KIAA1958: variants seen among roughly 807,000 people sequenced by gnomAD.
The protein encoded by KIAA1958 is KIAA1958.
A neutral mutation model predicts 47.2 loss-of-function variants in KIAA1958; 14 were observed. The observed-to-expected ratio is 0.30, with a 90% CI of 0.20 to 0.46. The LOEUF (loss-of-function observed/expected upper bound fraction) is 0.46, where lower values mean the gene tolerates loss of function less well. KIAA1958 is among the 20% of genes least tolerant of loss of function. The pLI is 1.00. For synonymous variants in KIAA1958, 354 were observed against 353.3 expected, an observed-to-expected ratio of 1.00 and a Z score of -0.02; for missense variants, 803 against 909.2, an observed-to-expected ratio of 0.88 and a Z score of 1.50.
chr9:112,628,524 A>G (rs1836658085), intron 2 of KIAA1958, among the ~76,000 whole-genome samples: 1 of 152,204 alleles, frequency 6.6e-6, no homozygotes, highest in African/African-American at 2.4e-5. Context: ...TGGCCTCCAG[A>G]GTCACACAAA....
rs375756873 is a variant in KIAA1958 at position 112,574,918 on chromosome 9, A to G, written c.838A>G (p.Ile280Val). The change falls in exon 2 of 4, where the codon ATT becomes GTT. Residue 280 changes from isoleucine (I) to valine (V), a missense_variant. Ile to Val is a conservative substitution (Grantham distance 29). This residue lies in a region of KIAA1958 where 761 missense variants were observed against 829.3 expected (regional missense o/e 0.92). Coordinates refer to ENST00000337530, the MANE Select transcript of KIAA1958 (RefSeq NM_133465.4). ...ATCCCCCTCTGTGATCTCCAGACCA[A>G]TTGTCCAGAAGACTGCTAGGGTATC... ...SASPSVISRP[I>V]VQKTARVSLA... The G allele has an allele frequency of 1.7e-5, 27 of 1,613,898 alleles. No individual in the cohort carries two copies. The African/African-American group carries it at 3.1e-4, about 18-fold the overall frequency.
chr9:112,637,713 A>G (rs1000044836), intron 2 of KIAA1958, among the ~76,000 whole-genome samples: 4 of 152,136 alleles, frequency 2.6e-5, no homozygotes, highest in Non-Finnish European at 4.4e-5. Flanking sequence ...CTTAGTATAA[A>G]TTTTAGACTT....
At chr9:112,654,853 G>C (rs542011440) in intron 3 of KIAA1958, among the ~76,000 whole-genome samples, 4 of 152,262 alleles carry the variant, frequency 2.6e-5, no homozygotes, top group African/African-American at 9.6e-5. Flanking sequence ...ATCTCTTGGG[G>C]TTTCCTAGAC....
intron 1 of KIAA1958, among the ~76,000 whole-genome samples, chr9:112,561,056 A>ATTTT (rs201349723): frequency 1.4e-4 from 20 of 141,088 alleles, no homozygotes; most frequent in South Asian, 2.2e-4. Flanking sequence ...TGTCTTTGCA[A>ATTTT]TTTTTTTTTT....
chr9:112,552,106 C>T (rs149791711), intron 1 of KIAA1958, among the ~76,000 whole-genome samples: 159 of 152,248 alleles, frequency 1.0e-3, no homozygotes, highest in African/African-American at 3.6e-3. Flanking sequence ...GCTTTTGCCT[C>T]ATCATTATAG....
At position 112,574,745 on chromosome 9, in the gene KIAA1958, G is replaced by C; in HGVS notation, c.665G>C (p.Gly222Ala). The part of the protein sequence containing the change: ...YIVANAELTG[G>A]VDGPALSLTQ... Reference sequence around the variant, plus strand: ...GTGGCAAATGCAGAACTGACAGGAGGAGTAGATGGACCAGCCCTGTCCTTG... The same window carrying C: ...GTGGCAAATGCAGAACTGACAGGAGCAGTAGATGGACCAGCCCTGTCCTTG... Residue 222 changes from glycine to alanine, a missense_variant, in exon 2 of 4, where the codon GGA (glycine) becomes GCA (alanine). Gly to Ala is a moderately conservative substitution (Grantham distance 60). Transcript: ENST00000337530. 6.2e-7 allele frequency: 1 copy of C among 1,614,152 alleles called. No individual in the cohort carries two copies. Among genetic ancestry groups the C allele is most frequent in the Non-Finnish European group, 8.5e-7 (1 of 1,180,016 alleles).
intron 2 of KIAA1958, among the ~76,000 whole-genome samples, chr9:112,612,723 T>G (rs1056581160): frequency 5.3e-5 from 8 of 152,240 alleles, no homozygotes; most frequent in Non-Finnish European, 1.2e-4. Context: ...TCAACATATG[T>G]GCAGGGCGGT....
chr9:112,662,191 A>G lies in KIAA1958; in HGVS notation c.*2122A>G, dbSNP rs1226410520. On this transcript the variant is annotated 3_prime_UTR_variant, in exon 4 of 4. Transcript: ENST00000337530. Reference sequence around the variant, plus strand: ...TTGCCTGTCACCTAGTTGATGTTCCATAAAATCCCTGGGTTCTGAAGTGAA... The same window carrying G: ...TTGCCTGTCACCTAGTTGATGTTCCGTAAAATCCCTGGGTTCTGAAGTGAA... The G allele has an allele frequency of 6.6e-6, 1 of 152,204 alleles. No individual in the cohort carries two copies. The highest frequency in any genetic ancestry group is 1.5e-5 in the Non-Finnish European group (1 of 68,044). 9.4% of individuals were successfully genotyped at this position (152,204 alleles called of 1,614,324 possible). A position where few individuals can be genotyped will look rare whatever the true frequency, so the allele number is the denominator to read the frequency against.
At chr9:112,576,624 C>T (rs544302967) in intron 2 of KIAA1958, among the ~76,000 whole-genome samples, 64 of 152,214 alleles carry the variant, frequency 4.2e-4, no homozygotes, top group Non-Finnish European at 6.5e-4. Context: ...TTGTGACCAC[C>T]CTCTTACACT....
intron 1 of KIAA1958, among the ~76,000 whole-genome samples, chr9:112,487,636 G>A (rs2132747837): frequency 6.6e-6 from 1 of 152,310 alleles, no homozygotes; most frequent in East Asian, 1.9e-4. Flanking sequence ...TTTGGGGCGT[G>A]TGTGAAGGAA....
chr9:112,653,598 A>G (rs1588055161), intron 3 of KIAA1958, among the ~76,000 whole-genome samples: 1 of 152,134 alleles, frequency 6.6e-6, no homozygotes, highest in Non-Finnish European at 1.5e-5. Flanking sequence ...GCACTAAGCC[A>G]GTGAGAACCT....
intron 2 of KIAA1958, among the ~76,000 whole-genome samples, chr9:112,611,884 G>A (rs928231031): frequency 4.6e-5 from 7 of 151,732 alleles, no homozygotes; most frequent in African/African-American, 1.7e-4. Context: ...GCCCTAATAA[G>A]GATACTAGTT....
At chr9:112,629,732 C>T (rs1836677183) in intron 2 of KIAA1958, among the ~76,000 whole-genome samples, 1 of 152,100 alleles carries the variant, frequency 6.6e-6, no homozygotes, top group Non-Finnish European at 1.5e-5. Context: ...ATAATGTTTG[C>T]CTCTGATGTA....
chr9:112,635,488 G>A (rs944641208), intron 2 of KIAA1958, among the ~76,000 whole-genome samples: 1 of 152,156 alleles, frequency 6.6e-6, no homozygotes, highest in African/African-American at 2.4e-5. Flanking sequence ...CTCAGCTCAA[G>A]TTATCCGCCT....
chr9:112,564,984 G>A (rs919895724), intron 1 of KIAA1958, among the ~76,000 whole-genome samples: 18 of 152,048 alleles, frequency 1.2e-4, no homozygotes, highest in African/African-American at 4.3e-4. Flanking sequence ...TAGGATTCTT[G>A]GTGTGATGAG....
At position 112,487,013 on chromosome 9, in the gene KIAA1958, GCCCT is replaced by G. The variant is rs1268135457; in HGVS notation, c.-128_-125del. 5.5e-6 allele frequency: 1 copy of G among 182,182 alleles called. No individual in the cohort carries two copies. The highest frequency in any genetic ancestry group is 1.8e-4 in the East Asian group (1 of 5,636). The allele number at this position is 182,182 out of a possible 1,614,324, so 11.3% of individuals were successfully genotyped here. A position where few individuals can be genotyped will look rare whatever the true frequency, so the allele number is the denominator to read the frequency against. On this transcript the variant is annotated 5_prime_UTR_variant, in exon 1 of 4. Transcript: ENST00000337530. ...CCGGCCCTCTGGCCGCTCTCCTCCC[GCCCT>G]CGCGCCCCTTCGGCCCGTCCCGTCC...
chr9:112,508,276 A>T (rs1262907098), intron 1 of KIAA1958, among the ~76,000 whole-genome samples: 1 of 152,214 alleles, frequency 6.6e-6, no homozygotes, highest in African/African-American at 2.4e-5. Context: ...TTTTCAGATA[A>T]ATACACTACT....
chr9:112,569,601 CT>C (rs1476899171), intron 1 of KIAA1958, among the ~76,000 whole-genome samples: 2 of 148,132 alleles, frequency 1.4e-5, no homozygotes, highest in Non-Finnish European at 3.0e-5. Context: ...ATTGGTAACA[CT>C]TTGAAATTCC....
intron 2 of KIAA1958, among the ~76,000 whole-genome samples, chr9:112,585,645 G>A (rs1835811617): frequency 6.6e-6 from 1 of 152,196 alleles, no homozygotes; most frequent in Non-Finnish European, 1.5e-5. Context: ...GGAGATGGCA[G>A]TAATGCTCAC....
Sources: allele counts gnomAD v4.1 joint callset (sites outside exome capture counted in the v4.1 genomes callset), GRCh38; gene constraint gnomAD v4.1.1; regional missense constraint gnomAD v4.1.1; transcripts MANE v1.5; gene names NCBI Gene and HGNC (gene_info 2026-07-23, HGNC 2026-07-21).